The following DPYD variants were observed in gnomAD, a reference collection of about 807,000 sequenced individuals.
DPYD encodes dihydropyrimidine dehydrogenase [NADP(+)].
A neutral mutation model predicts 116.2 loss-of-function variants in DPYD; 109 were observed. The ratio of observed to expected loss-of-function variants is 0.94; its 90% confidence interval spans 0.80 to 1.10. The LOEUF is 1.10. DPYD is among the 50% of genes least tolerant of loss of function. The probability of loss-of-function intolerance (pLI) is 0.00; values close to 1 mark genes in which losing one functional copy is unlikely to be tolerated. For synonymous variants in DPYD, 440 were observed against 432.0 expected (o/e 1.02, Z -0.23); for missense variants, 1,302 against 1,254.5 (o/e 1.04, Z -0.57).
At chr1:97,175,583 C>T (rs561376665) in intron 20 of DPYD, among the ~76,000 whole-genome samples, 1 of 152,150 alleles carries the variant, frequency 6.6e-6, no homozygotes, top group Non-Finnish European at 1.5e-5. Flanking sequence ...CAACAGAAGT[C>T]TTCTCCATTT....
chr1:97,284,541 G>A (rs1639244467), intron 18 of DPYD, among the ~76,000 whole-genome samples: 1 of 151,896 alleles, frequency 6.6e-6, no homozygotes, highest in East Asian at 1.9e-4. Flanking sequence ...CTTTTAATGT[G>A]CTGTTGAATT....
intron 2 of DPYD, among the ~76,000 whole-genome samples, chr1:97,844,948 A>G (rs1670218954): frequency 6.6e-6 from 1 of 152,210 alleles, no homozygotes; most frequent in Non-Finnish European, 1.5e-5. Context: ...GTGTGCACAC[A>G]TTTGCAGCAG....
At chr1:97,183,823 G>A (rs984911174) in intron 20 of DPYD, among the ~76,000 whole-genome samples, 5 of 151,964 alleles carry the variant, frequency 3.3e-5, no homozygotes, top group African/African-American at 9.7e-5. Flanking sequence ...AGGTAAACTC[G>A]TGTCATGGGG....
chr1:97,472,450 C>T (rs552058011), intron 13 of DPYD, among the ~76,000 whole-genome samples: 1 of 152,322 alleles, frequency 6.6e-6, no homozygotes, highest in African/African-American at 2.4e-5. Context: ...ATTTTTAGTA[C>T]ACTTTCTTCC....
At chr1:97,334,860 T>C (rs186087747) in intron 16 of DPYD, among the ~76,000 whole-genome samples, 102 of 149,046 alleles carry the variant, frequency 6.8e-4, no homozygotes, top group African/African-American at 2.3e-3. Context: ...AGGCAGACAT[T>C]AGAGGGGAAT....
chr1:97,263,997 TC>T (rs1262913804), intron 18 of DPYD, among the ~76,000 whole-genome samples: 1 of 152,014 alleles, frequency 6.6e-6, no homozygotes. Context: ...TTATCTTTTT[TC>T]TTTTATCTAT....
intron 3 of DPYD, among the ~76,000 whole-genome samples, chr1:97,742,319 A>T (rs1044665981): frequency 7.2e-5 from 11 of 152,046 alleles, no homozygotes; most frequent in Non-Finnish European, 1.2e-4. Context: ...TCATTGTCTG[A>T]ACCAATTTCT....
In DPYD at chr1:97,487,556, C is replaced by A. The variant is rs186650556; in HGVS notation, c.1740+28170G>T. On this transcript the variant is annotated intron_variant, in intron 13 of 22. Coordinates refer to ENST00000370192, the MANE Select transcript of DPYD (RefSeq NM_000110.4). ...GGTGTGGTGGCGGGCACCTGTAGTC[C>A]CAGCTACTCGGGAGGCTGAGGCAGG... Among the ~76,000 whole-genome samples the A allele has an allele frequency of 3.3e-3, 503 of 152,136 alleles. 3 individuals are homozygous for A. The highest frequency in any genetic ancestry group is 0.012 in the African/African-American group (484 of 41,486).
At chr1:97,442,754 A>T (rs1458136731) in intron 14 of DPYD, among the ~76,000 whole-genome samples, 7 of 152,170 alleles carry the variant, frequency 4.6e-5, no homozygotes, top group Non-Finnish European at 1.0e-4. Context: ...TTAAATTGGT[A>T]ACTATTTCTG....
intron 22 of DPYD, 54 bp downstream of exon 22, chr1:97,082,276 T>G: frequency 6.2e-7 from 1 of 1,611,196 alleles, no homozygotes; most frequent in South Asian, 1.1e-5. Flanking sequence ...CTTTCTGCCG[T>G]AAAAACAAGA....
At chr1:97,744,133 C>G (rs933047042) in intron 3 of DPYD, among the ~76,000 whole-genome samples, 2 of 151,896 alleles carry the variant, frequency 1.3e-5, no homozygotes, top group African/African-American at 4.8e-5. Context: ...TGTATGAAAA[C>G]TTAAGTACTG....
chr1:97,303,287 A>C (rs1026125157), intron 18 of DPYD, among the ~76,000 whole-genome samples: 1 of 152,038 alleles, frequency 6.6e-6, no homozygotes, highest in Non-Finnish European at 1.5e-5. Flanking sequence ...TGATTCATGC[A>C]GCATCTCTGA....
At chr1:97,353,439 G>GT (rs771899116) in intron 16 of DPYD, among the ~76,000 whole-genome samples, 3 of 152,070 alleles carry the variant, frequency 2.0e-5, no homozygotes, top group Non-Finnish European at 1.5e-5. Context: ...CCTCGGTGGG[G>GT]TTTTTTCCCC....
chr1:97,466,308 A>T (rs879936968), intron 13 of DPYD, among the ~76,000 whole-genome samples: 6 of 152,170 alleles, frequency 3.9e-5, no homozygotes, highest in Middle Eastern at 3.2e-3. Context: ...ACTGATTGAG[A>T]CCCTATCACT....
intron 14 of DPYD, among the ~76,000 whole-genome samples, chr1:97,419,236 G>GA (rs777804767): frequency 2.6e-5 from 4 of 152,140 alleles, no homozygotes; most frequent in Non-Finnish European, 5.9e-5. Context: ...AGTGATAACT[G>GA]AAAATCACTG....
At chr1:97,530,226 T>C (rs1649511049) in intron 12 of DPYD, among the ~76,000 whole-genome samples, 1 of 136,720 alleles carries the variant, frequency 7.3e-6, no homozygotes, top group Non-Finnish European at 1.6e-5. Flanking sequence ...TTTTTTTTTT[T>C]TTTTTTTTTG....
At chr1:97,601,050 C>A (rs931546222) in intron 8 of DPYD, among the ~76,000 whole-genome samples, 17 of 152,062 alleles carry the variant, frequency 1.1e-4, no homozygotes, top group Non-Finnish European at 1.0e-4. Flanking sequence ...CAAATTGGAG[C>A]ATTAAGAACA....
rs1360558118 is a variant in DPYD at position 97,224,341 on chromosome 1, T to G, written c.2442+10511A>C. The stretch of plus-strand genomic sequence containing the variant: ...GTACCCAGATTACTCTCTAGCTAAT[T>G]CCTTAGTTTTTATATTCAGGATTCA... On this transcript the variant is annotated intron_variant, in intron 19 of 22. Coordinates refer to ENST00000370192, the MANE Select transcript of DPYD (RefSeq NM_000110.4). Among the ~76,000 whole-genome samples the G allele has an allele frequency of 2.0e-5, 3 of 152,020 alleles. No homozygotes were observed. The East Asian group carries it at 5.8e-4, about 29-fold the overall frequency.
intron 18 of DPYD, among the ~76,000 whole-genome samples, chr1:97,288,735 G>C (rs1300895825): frequency 5.5e-5 from 8 of 145,014 alleles, no homozygotes; most frequent in African/African-American, 2.0e-4. Flanking sequence ...GAGAAAGCAG[G>C]AGAGATCCAA....
Sources: allele counts gnomAD v4.1 joint callset (sites outside exome capture counted in the v4.1 genomes callset), GRCh38; gene constraint gnomAD v4.1.1; transcripts MANE v1.5; gene names NCBI Gene and HGNC (gene_info 2026-07-23, HGNC 2026-07-21).